Variants in PRSS54 observed in about 807,000 individuals in gnomAD.
PRSS54 encodes serine protease 54, also known as inactive serine protease 54.
In PRSS54, 16 loss-of-function variants were observed where a neutral mutation model predicts 19.9. That is an observed-to-expected ratio of 0.80 (90% CI 0.54 to 1.22). The LOEUF is 1.22. Ranked by LOEUF, PRSS54 falls within the 50% of genes most tolerant of loss-of-function variation. PRSS54 has a pLI of 0.00. For synonymous variants in PRSS54, 177 were observed against 195.8 expected (o/e 0.90, Z 0.80); for missense variants, 444 against 494.8 (o/e 0.90, Z 0.97).
At chr16:58,290,129 GTATA>G (rs1965007067) in intron 4 of PRSS54, among the ~76,000 whole-genome samples, 1 of 142,314 alleles carries the variant, frequency 7.0e-6, no homozygotes, top group Non-Finnish European at 1.5e-5. Flanking sequence ...ATATAATAAA[GTATA>G]TAATTACATG....
chr16:58,288,609 A>T (rs1055174076), intron 4 of PRSS54, among the ~76,000 whole-genome samples: 21 of 152,282 alleles, frequency 1.4e-4, no homozygotes, highest in Middle Eastern at 3.4e-3. Context: ...TTTTAAATGC[A>T]TGTCTTTCTT....
rs759351557 is a variant in PRSS54 at position 58,280,617 on chromosome 16, T to C, written c.795A>G (p.Thr265=). The part of the protein sequence containing the change: ...TKVEDYSKWI[T]SKAERAGPPL... ...GAGGGCCGGCCCTCTCAGCCTTGGATGTGATCCATTTGCTGTAGTCTTCCA... is the reference window on the plus strand; with the variant it reads ...GAGGGCCGGCCCTCTCAGCCTTGGACGTGATCCATTTGCTGTAGTCTTCCA... The change falls in exon 7 of 7, where the codon ACA becomes ACG. Residue 265 remains threonine, a synonymous_variant. Coordinates refer to ENST00000567164, the MANE Select transcript of PRSS54 (RefSeq NM_001305173.2). The C allele has an allele frequency of 1.9e-6, 3 of 1,614,122 alleles. No individual in the cohort carries two copies. Among genetic ancestry groups the C allele is most frequent in the Non-Finnish European group, 2.5e-6 (3 of 1,180,030 alleles).
At chr16:58,286,966 C>G (rs1227845656) in intron 4 of PRSS54, among the ~76,000 whole-genome samples, 1 of 151,956 alleles carries the variant, frequency 6.6e-6, no homozygotes, top group African/African-American at 2.4e-5. Context: ...ATAGGGCCCA[C>G]AGAAAACACA....
At chr16:58,285,861 C>A in intron 5 of PRSS54, 76 bp downstream of exon 5, 1 of 1,530,988 alleles carries the variant, frequency 6.5e-7, no homozygotes. Context: ...TTAAGATAGG[C>A]CCTAGATTGG....
At position 58,280,133 on chromosome 16, in the gene PRSS54, A is replaced by T; in HGVS notation, c.*91T>A. On this transcript the variant is annotated 3_prime_UTR_variant, in exon 7 of 7. Transcript: ENST00000567164. Reference sequence around the variant, plus strand: ...TTATCCGTGGCAGCCCCAGTGTGCAACTATCAAAAACAGACATCAAAACAG... The same window carrying T: ...TTATCCGTGGCAGCCCCAGTGTGCATCTATCAAAAACAGACATCAAAACAG... 7.5e-7 allele frequency: 1 copy of T among 1,334,458 alleles called. No individual in the cohort carries two copies. The highest frequency in any genetic ancestry group is 1.0e-6 in the Non-Finnish European group (1 of 964,118). 82.7% of individuals were successfully genotyped at this position (1,334,458 alleles called of 1,614,324 possible).
Position 58,286,126 on chromosome 16 carries a change from T to G in PRSS54, c.333A>C (p.Pro111=). 2 of 1,614,198 alleles carry G rather than the reference T, an allele frequency of 1.2e-6. No individual in the cohort carries two copies. Among genetic ancestry groups the G allele is most frequent in the Non-Finnish European group, 1.7e-6 (2 of 1,179,992 alleles). ...CCTCATGGATGATGATGGTATTGAC[T>G]GGATACTCTGTGTGAGCAATCTTGC... ...DPSKIAHTEY[P]VNTIIIHEDF... is the part of the protein sequence containing the mutation. Residue 111 remains proline, a synonymous_variant, in exon 5 of 7, where the codon CCA becomes CCC. Transcript: ENST00000567164.
At position 58,280,466 on chromosome 16, in the gene PRSS54, G is replaced by T. The variant is rs1338698545; in HGVS notation, c.946C>A (p.Gln316Lys). ...LGHVGSYLQG[Q>K]RRTITHSRLG... The stretch of plus-strand genomic sequence containing the variant: ...CGTGAATGCGTGATGGTCCTTCTTT[G>T]TCCCTGCAAGTATGATCCAACATGG... Residue 316 changes from glutamine to lysine, a missense_variant, in exon 7 of 7, where the codon CAA becomes AAA. Physicochemically the swap from Gln to Lys is moderately conservative, Grantham distance 53. Transcript: ENST00000567164. 2 of 1,613,906 alleles carry T rather than the reference G, an allele frequency of 1.2e-6. No homozygotes were observed. Among genetic ancestry groups the T allele is most frequent in the African/African-American group, 2.7e-5 (2 of 74,836 alleles).
At chr16:58,283,653 C>CTAT (rs370137789) in intron 6 of PRSS54, 50 of 152,240 alleles carry the variant, frequency 3.3e-4, no homozygotes, top group African/African-American at 1.1e-3. Flanking sequence ...TGTTAAAAAG[C>CTAT]TATATCTTCA....
At chr16:58,290,166 GTA>G (rs67730899) in intron 4 of PRSS54, among the ~76,000 whole-genome samples, 95,925 of 148,336 alleles carry the variant, frequency 0.65, 31,774 homozygotes, top group African/African-American at 0.76. Context: ...TATATATTAT[GTA>G]TATATATATT....
Position 58,294,067 on chromosome 16 carries a change from G to A in PRSS54, c.-89C>T, listed in dbSNP as rs1020142190. 2 of 515,030 alleles carry A rather than the reference G, an allele frequency of 3.9e-6. No homozygotes were observed. The highest frequency in any genetic ancestry group is 6.9e-5 in the East Asian group (2 of 29,034). The allele number at this position is 515,030 out of a possible 1,614,324, so 31.9% of individuals were successfully genotyped here. ...CACTGTGGTTTGTGAGATGGCCAGAGAAGAGAGGGCAGCTTACTCTTGTCA... is the reference window on the plus strand; with the variant it reads ...CACTGTGGTTTGTGAGATGGCCAGAAAAGAGAGGGCAGCTTACTCTTGTCA... On this transcript the variant is annotated 5_prime_UTR_variant, in exon 2 of 7. Transcript: ENST00000567164.
intron 4 of PRSS54, 152 bp from the exon 5 acceptor site, chr16:58,286,347 C>G: frequency 1.3e-6 from 1 of 777,358 alleles, no homozygotes; most frequent in Admixed American, 2.7e-5. Context: ...ACTCAAGTTT[C>G]TAGGAAATCT....
chr16:58,291,165 C>T (rs764241886), intron 3 of PRSS54, 29 bp from the exon 4 acceptor site: 15 of 1,607,890 alleles, frequency 9.3e-6, no homozygotes, highest in Non-Finnish European at 1.2e-5. Flanking sequence ...GCCTCACTGC[C>T]GGGGCAAGGA....
chr16:58,285,723 CAAAAAA>C (rs1178010291), intron 5 of PRSS54, among the ~76,000 whole-genome samples: 1 of 78,842 alleles, frequency 1.3e-5, no homozygotes, highest in Non-Finnish European at 2.4e-5. Flanking sequence ...GACCCTGTCT[CAAAAAA>C]AAAAAAAAAA....
In PRSS54 at chr16:58,284,857, C is replaced by T. The variant is rs1964875874; in HGVS notation, c.523-136G>A. 3 of 910,330 alleles carry T rather than the reference C, an allele frequency of 3.3e-6. No individual in the cohort carries two copies. The East Asian group carries it at 8.2e-5, about 25-fold the overall frequency. 56.4% of individuals were successfully genotyped at this position (910,330 alleles called of 1,614,324 possible). On this transcript the variant is annotated intron_variant, in intron 5 of 6. Coordinates refer to ENST00000567164, the MANE Select transcript of PRSS54 (RefSeq NM_001305173.2). The stretch of plus-strand genomic sequence containing the variant: ...TGAGTTGGAGTCTTGTTCTGTCACG[C>T]AGGCTGGAGTACAGTGGTGTGATCT...
At chr16:58,286,302 A>G in intron 4 of PRSS54, 107 bp from the exon 5 acceptor site, 1 of 1,201,156 alleles carries the variant, frequency 8.3e-7, no homozygotes, top group South Asian at 1.4e-5. Flanking sequence ...CATCCAGCTC[A>G]TATTTCCTGT....
chr16:58,286,249 G>A (rs1203218601), intron 4 of PRSS54, 54 bp from the exon 5 acceptor site: 50 of 1,591,460 alleles, frequency 3.1e-5, no homozygotes, highest in South Asian at 9.0e-5. Context: ...GAAGCTTCAC[G>A]CTTCCCTGTT....
chr16:58,293,469 C>A, intron 3 of PRSS54: 1 of 862,846 alleles, frequency 1.2e-6, no homozygotes, highest in South Asian at 5.3e-5. Flanking sequence ...CTCTTGCTCA[C>A]CCCTGTACCC....
chr16:58,284,299 C>T (rs182833267), intron 6 of PRSS54: 14 of 337,038 alleles, frequency 4.2e-5, no homozygotes, highest in Admixed American at 1.9e-4. Context: ...CAAAGCATAT[C>T]GGCCTCTGTG....
chr16:58,286,845 C>T (rs72786162), intron 4 of PRSS54, among the ~76,000 whole-genome samples: 1,899 of 152,140 alleles, frequency 0.012, 18 homozygotes, highest in East Asian at 0.022. Context: ...ACACTGACTG[C>T]CACAGAGCTC....
Sources: allele counts gnomAD v4.1 joint callset (sites outside exome capture counted in the v4.1 genomes callset), GRCh38; gene constraint gnomAD v4.1.1; transcripts MANE v1.5; gene names NCBI Gene and HGNC (gene_info 2026-07-23, HGNC 2026-07-21).